The following RAPGEF4 variants were observed in gnomAD, a reference collection of about 807,000 sequenced individuals.
RAPGEF4 encodes the protein Rap guanine nucleotide exchange factor 4, also known as RAP guanine-nucleotide-exchange factor (GEF) 4.
Under a neutral mutation model 147.9 loss-of-function variants are expected in RAPGEF4, and 66 were observed. The observed-to-expected ratio is 0.45, with a 90% CI of 0.37 to 0.55. The LOEUF (loss-of-function observed/expected upper bound fraction) is 0.55. RAPGEF4 is among the 20% of genes least tolerant of loss of function. The pLI, the probability that RAPGEF4 is intolerant of heterozygous loss-of-function variation, is 0.00. For missense variants in RAPGEF4, 1,071 were observed against 1,257.3 expected (o/e 0.85, Z 2.24); for synonymous variants, 419 against 442.7 (o/e 0.95, Z 0.67).
chr2:172,821,924 T>G (rs1386283669), intron 4 of RAPGEF4: 3 of 1,613,458 alleles, frequency 1.9e-6, no homozygotes, highest in Admixed American at 1.7e-5. Context: ...AGATGCTCAC[T>G]GGATGTCTGA....
At chr2:172,996,352 T>A in intron 15 of RAPGEF4, 114 bp from the exon 16 acceptor site, 1 of 566,662 alleles carries the variant, frequency 1.8e-6, no homozygotes, top group Non-Finnish European at 3.1e-6. Context: ...CCATGAAAGG[T>A]ATATGGTTCC....
chr2:173,019,950 G>T (rs1410868132), intron 22 of RAPGEF4, among the ~76,000 whole-genome samples: 4 of 151,868 alleles, frequency 2.6e-5, no homozygotes, highest in African/African-American at 7.3e-5. Context: ...TTTATTGTTG[G>T]CATCTCCCAC....
chr2:172,937,909 T>C (rs967617752), intron 6 of RAPGEF4, among the ~76,000 whole-genome samples: 3 of 152,170 alleles, frequency 2.0e-5, no homozygotes, highest in Non-Finnish European at 4.4e-5. Flanking sequence ...CTTTGGCCAC[T>C]GGGAGCTCTT....
At chr2:172,741,703 A>T (rs1694312851) in intron 1 of RAPGEF4, among the ~76,000 whole-genome samples, 1 of 152,144 alleles carries the variant, frequency 6.6e-6, no homozygotes, top group Non-Finnish European at 1.5e-5. Context: ...AGACAGGGTC[A>T]CTCTGTCACC....
chr2:172,878,549 G>A (rs1696227213), intron 4 of RAPGEF4, among the ~76,000 whole-genome samples: 1 of 152,144 alleles, frequency 6.6e-6, no homozygotes, highest in Non-Finnish European at 1.5e-5. Flanking sequence ...TCGGGAAGAA[G>A]CTCAGGAAAG....
At chr2:172,939,330 C>A (rs923765306) in intron 6 of RAPGEF4, among the ~76,000 whole-genome samples, 1 of 152,096 alleles carries the variant, frequency 6.6e-6, no homozygotes, top group African/African-American at 2.4e-5. Flanking sequence ...TTGGTATTGT[C>A]AGTTTTTTAA....
Position 173,051,726 on chromosome 2 carries a change from T to C in RAPGEF4, c.2995T>C (p.Leu999=). 1.2e-6 allele frequency: 2 copies of C among 1,614,044 alleles called. No homozygotes were observed. The highest frequency in any genetic ancestry group is 1.7e-6 in the Non-Finnish European group (2 of 1,179,922). Residue 999 remains leucine, a synonymous_variant, in exon 31 of 31, where the codon TTA becomes CTA. Transcript: ENST00000397081. ...QLNVIDNQRT[L]SQMSHRLEPR... The stretch of plus-strand genomic sequence containing the variant: ...AAATGTGATTGACAACCAGAGAACT[T>C]TATCACAGATGTCACACAGATTAGA...
chr2:172,784,216 G>C lies in RAPGEF4; in HGVS notation c.66-10809G>C, dbSNP rs545495366. Among the ~76,000 whole-genome samples the C allele has an allele frequency of 2.0e-5, 3 of 152,160 alleles. No individual in the cohort carries two copies. The East Asian group carries it at 5.8e-4, about 29-fold the overall frequency. ...TGTCATACAGATGATACTCAGTAAC[G>C]AACTATAGAAATGATTCCTGAGCCT... On this transcript the variant is annotated intron_variant, in intron 1 of 30. Transcript: ENST00000397081.
At chr2:172,966,430 G>A (rs1689848463) in intron 9 of RAPGEF4, among the ~76,000 whole-genome samples, 1 of 152,180 alleles carries the variant, frequency 6.6e-6, no homozygotes, top group South Asian at 2.1e-4. Flanking sequence ...CGTCTGGAAT[G>A]GACTTAGAGT....
intron 30 of RAPGEF4, 75 bp from the exon 31 acceptor site, chr2:173,051,565 T>A: frequency 6.8e-7 from 1 of 1,460,382 alleles, no homozygotes; most frequent in Admixed American, 2.0e-5. Flanking sequence ...ATGTAATAAA[T>A]AATTGGAGAA....
intron 4 of RAPGEF4, among the ~76,000 whole-genome samples, chr2:172,873,976 T>C (rs1426926159): frequency 1.3e-5 from 2 of 152,088 alleles, no homozygotes; most frequent in African/African-American, 2.4e-5. Context: ...ATTAGAGAAC[T>C]GCAAATAAAA....
intron 6 of RAPGEF4, among the ~76,000 whole-genome samples, chr2:172,944,573 A>G (rs17707776): frequency 5.3e-5 from 8 of 152,262 alleles, no homozygotes; most frequent in Middle Eastern, 3.4e-3. Context: ...GGAGCCTCAC[A>G]TAAGGGAAGC....
intron 10 of RAPGEF4, among the ~76,000 whole-genome samples, chr2:172,970,623 G>C (rs1359071421): frequency 6.6e-6 from 1 of 151,812 alleles, no homozygotes; most frequent in Non-Finnish European, 1.5e-5. Context: ...TTCTGAATCT[G>C]AGACTTGCTA....
intron 30 of RAPGEF4, among the ~76,000 whole-genome samples, chr2:173,051,044 A>G (rs1277419196): frequency 6.6e-6 from 1 of 152,232 alleles, no homozygotes; most frequent in Admixed American, 6.5e-5. Flanking sequence ...GCATTAAAGA[A>G]TCAAACGTCT....
At chr2:173,024,605 C>T (rs4972394) in intron 23 of RAPGEF4, among the ~76,000 whole-genome samples, 125,866 of 152,102 alleles carry the variant, frequency 0.83, 54,177 homozygotes, top group East Asian at 0.94. Context: ...ACTGAAATCA[C>T]TCCTATCCAG....
At chr2:172,959,515 CT>C (rs1035742325) in intron 6 of RAPGEF4, among the ~76,000 whole-genome samples, 1 of 151,260 alleles carries the variant, frequency 6.6e-6, no homozygotes, top group African/African-American at 2.4e-5. Context: ...AGGACATAAA[CT>C]TTTTTTTTAA....
chr2:172,746,409 C>T (rs1694771219), intron 1 of RAPGEF4, among the ~76,000 whole-genome samples: 1 of 152,126 alleles, frequency 6.6e-6, no homozygotes, highest in South Asian at 2.1e-4. Flanking sequence ...AAATGGTGGT[C>T]AAGAGCCCAC....
intron 5 of RAPGEF4, among the ~76,000 whole-genome samples, chr2:172,918,414 G>A (rs1332298674): frequency 2.4e-5 from 2 of 82,796 alleles, no homozygotes; most frequent in African/African-American, 1.2e-4. Context: ...CACACACAAA[G>A]TGACTATGGA....
intron 4 of RAPGEF4, among the ~76,000 whole-genome samples, chr2:172,877,370 G>A (rs1488288031): frequency 6.6e-6 from 1 of 152,016 alleles, no homozygotes; most frequent in Non-Finnish European, 1.5e-5. Flanking sequence ...CCTGTCAGAG[G>A]GTGGGGGACC....
Sources: allele counts gnomAD v4.1 joint callset (sites outside exome capture counted in the v4.1 genomes callset), GRCh38; gene constraint gnomAD v4.1.1; transcripts MANE v1.5; gene names NCBI Gene and HGNC (gene_info 2026-07-23, HGNC 2026-07-21).